The following CENPH variants were observed in gnomAD, a reference collection of about 807,000 sequenced individuals.
CENPH encodes CENP-H.
In CENPH, 40 loss-of-function variants were observed where a neutral mutation model predicts 42.9. The ratio of observed to expected loss-of-function variants is 0.93; its 90% CI spans 0.72 to 1.21. CENPH has a LOEUF of 1.21. CENPH is among the 50% of genes most tolerant of loss of function. The probability of loss-of-function intolerance (pLI) is 0.00; values close to 1 mark genes in which losing one functional copy is unlikely to be tolerated. For missense variants in CENPH, 302 were observed against 292.9 expected, an observed-to-expected ratio of 1.03 and a Z score of -0.23; for synonymous variants, 88 against 96.5, an observed-to-expected ratio of 0.91 and a Z score of 0.52.
intron 2 of CENPH, among the ~76,000 whole-genome samples, chr5:69,194,432 T>C (rs1480709865): frequency 1.3e-5 from 2 of 152,234 alleles, no homozygotes; most frequent in Non-Finnish European, 1.5e-5. Context: ...ATGTGAAATA[T>C]GTCATTAGTA....
At chr5:69,202,351 C>T (rs186356168) in intron 5 of CENPH, among the ~76,000 whole-genome samples, 155 bp from the exon 6 acceptor site, 1 of 152,234 alleles carries the variant, frequency 6.6e-6, no homozygotes, top group African/African-American at 2.4e-5. Context: ...TCAAACTTTT[C>T]CAGATTTATT....
At chr5:69,198,201 T>G (rs902066885) in intron 5 of CENPH, among the ~76,000 whole-genome samples, 20 of 152,034 alleles carry the variant, frequency 1.3e-4, no homozygotes, top group Admixed American at 1.1e-3. Context: ...ATTACAGGTG[T>G]GAGCCACCGC....
intron 4 of CENPH, 42 bp downstream of exon 4, chr5:69,195,833 C>A (rs1747954080): frequency 4.2e-6 from 4 of 948,986 alleles, no homozygotes; most frequent in East Asian, 4.9e-5. Context: ...GAACTGACTG[C>A]AAAATGGGTA....
intron 4 of CENPH, among the ~76,000 whole-genome samples, 190 bp from the exon 5 acceptor site, chr5:69,196,863 A>G (rs574200351): frequency 2.0e-5 from 3 of 152,114 alleles, no homozygotes; most frequent in South Asian, 2.1e-4. Context: ...CAACAGCCCT[A>G]TCCATCTTGG....
intron 3 of CENPH, among the ~76,000 whole-genome samples, 167 bp from the exon 4 acceptor site, chr5:69,195,550 G>A (rs1361299939): frequency 6.6e-6 from 1 of 152,088 alleles, no homozygotes; most frequent in Middle Eastern, 3.2e-3. Context: ...TAGCTGAGGG[G>A]CATTAGTTTA....
In CENPH at chr5:69,197,088, A is replaced by T. The variant is rs748270737; in HGVS notation, c.350A>T (p.Glu117Val). 1.3e-6 allele frequency: 2 copies of T among 1,582,214 alleles called. No individual in the cohort carries two copies. The highest frequency in any genetic ancestry group is 1.4e-5 in the African/African-American group (1 of 73,052). ...RLSTALKKNL[E>V]KISRQSSVLM... ...TCAACTGCACTTAAAAAAAACCTGG[A>T]GAAAATTAGCAGACAGTCTAGGTAT... Residue 117 changes from glutamate (E) to valine (V), a missense_variant, in exon 5 of 9, where the codon GAG becomes GTG. Coordinates refer to ENST00000283006, the MANE Select transcript of CENPH (RefSeq NM_022909.4).
intron 3 of CENPH, among the ~76,000 whole-genome samples, 193 bp downstream of exon 3, chr5:69,194,888 A>G (rs1486290539): frequency 2.0e-5 from 3 of 150,916 alleles, no homozygotes; most frequent in African/African-American, 2.4e-5. Flanking sequence ...CTGGAACTAC[A>G]GGCTCATTGT....
In CENPH at chr5:69,189,653, A is replaced by C; in HGVS notation, c.19A>C (p.Met7Leu). MEEQPQ[M>L]QDADEPADSG... Reference sequence around the variant, plus strand: ...ACCAGCAATGGAGGAGCAGCCCCAGATGCAAGACGCCGACGAGCCCGCGGA... The same window carrying C: ...ACCAGCAATGGAGGAGCAGCCCCAGCTGCAAGACGCCGACGAGCCCGCGGA... Residue 7 changes from methionine (M) to leucine (L), a missense_variant, in exon 1 of 9, where the codon ATG (methionine) becomes CTG (leucine). By Grantham distance (15) the Met-to-Leu change is conservative. Transcript: ENST00000283006. The C allele has an allele frequency of 1.2e-6, 2 of 1,602,076 alleles. No homozygotes were observed. Among genetic ancestry groups the C allele is most frequent in the South Asian group, 2.2e-5 (2 of 89,594 alleles).
At chr5:69,199,514 T>A (rs1561322983) in intron 5 of CENPH, among the ~76,000 whole-genome samples, 1 of 152,190 alleles carries the variant, frequency 6.6e-6, no homozygotes, top group East Asian at 1.9e-4. Flanking sequence ...TATGTACCCA[T>A]GTATGGGAAG....
chr5:69,196,370 C>G (rs551761332), intron 4 of CENPH, among the ~76,000 whole-genome samples: 4 of 152,246 alleles, frequency 2.6e-5, no homozygotes, highest in Admixed American at 2.6e-4. Context: ...CCTGGCTGGG[C>G]GCGGTGGCTC....
chr5:69,189,655 G>A lies in CENPH; in HGVS notation c.21G>A (p.Met7Ile), dbSNP rs1051673521. The A allele has an allele frequency of 6.2e-7, 1 of 1,601,394 alleles. No individual in the cohort carries two copies. Among genetic ancestry groups the A allele is most frequent in the Non-Finnish European group, 8.5e-7 (1 of 1,176,028 alleles). ...CAGCAATGGAGGAGCAGCCCCAGAT[G>A]CAAGACGCCGACGAGCCCGCGGACT... MEEQPQ[M>I]QDADEPADSG... Residue 7 changes from methionine to isoleucine, a missense_variant, in exon 1 of 9, where the codon ATG (methionine) becomes ATA (isoleucine). Met to Ile is a conservative substitution (Grantham distance 10). Coordinates refer to ENST00000283006, the MANE Select transcript of CENPH (RefSeq NM_022909.4).
intron 7 of CENPH, among the ~76,000 whole-genome samples, chr5:69,204,593 A>ATTTTT (rs1580229277): frequency 6.1e-5 from 4 of 65,992 alleles, no homozygotes; most frequent in African/African-American, 1.8e-4. Flanking sequence ...CCTGGCTTGT[A>ATTTTT]TTTCTTTTTT....
In CENPH at chr5:69,194,178, TG is replaced by T. The variant is rs1237052074; in HGVS notation, c.191-468del. Among the ~76,000 whole-genome samples the T allele has an allele frequency of 5.3e-5, 8 of 151,916 alleles. No individual in the cohort carries two copies. In the East Asian group the frequency reaches 1.5e-3, roughly 29 times the overall value. On this transcript the variant is annotated intron_variant, in intron 2 of 8. Transcript: ENST00000283006. ...CTTTGTTGGTTGATGTTTTTTTTTT[TG>T]AGATGATCTCACTCAGCCACCCAGG...
At chr5:69,205,221 CTTT>C (rs1224842114) in intron 7 of CENPH, among the ~76,000 whole-genome samples, 1 of 149,346 alleles carries the variant, frequency 6.7e-6, no homozygotes, top group African/African-American at 2.5e-5. Context: ...CCTGGCCAAC[CTTT>C]TTTTGTTTGT....
chr5:69,191,213 T>C (rs955388035), intron 1 of CENPH, among the ~76,000 whole-genome samples: 3 of 152,166 alleles, frequency 2.0e-5, no homozygotes, highest in Admixed American at 6.5e-5. Flanking sequence ...GTCTGGCCTA[T>C]TAAAAATAAT....
intron 1 of CENPH, among the ~76,000 whole-genome samples, chr5:69,189,986 T>G (rs537427595): frequency 7.2e-5 from 11 of 152,318 alleles, no homozygotes; most frequent in African/African-American, 2.6e-4. Flanking sequence ...TGAGATAGTC[T>G]AGGAAAGTGT....
chr5:69,209,549 A>G (rs1748213699), intron 8 of CENPH, among the ~76,000 whole-genome samples, 158 bp from the exon 9 acceptor site: 1 of 152,198 alleles, frequency 6.6e-6, no homozygotes, highest in African/African-American at 2.4e-5. Context: ...TCAAAAAAAA[A>G]AAATAGAAGA....
chr5:69,202,937 GA>G lies in CENPH; in HGVS notation c.459del (p.Lys153AsnfsTer12). ...KSQQESWDLE[E>X]KLLDIRKKRL... ...ATAACAGGAATCTTGGGATTTAGAGGAAAAACTGCTTGATATTAGAAAGAAG... is the reference window on the plus strand; with the variant it reads ...ATAACAGGAATCTTGGGATTTAGAGGAAAACTGCTTGATATTAGAAAGAAG... On this transcript the variant is annotated frameshift_variant, in exon 7 of 9. Coordinates refer to ENST00000283006, the MANE Select transcript of CENPH (RefSeq NM_022909.4). LOFTEE classifies it high-confidence loss of function. 6.3e-7 allele frequency: 1 copy of G among 1,590,876 alleles called. No homozygotes were observed. Among genetic ancestry groups the G allele is most frequent in the Non-Finnish European group, 8.6e-7 (1 of 1,165,324 alleles).
intron 1 of CENPH, among the ~76,000 whole-genome samples, chr5:69,190,204 T>C (rs188521383): frequency 5.7e-4 from 87 of 152,354 alleles, no homozygotes; most frequent in African/African-American, 2.1e-3. Flanking sequence ...GTTTATACTT[T>C]TCCACTAAGC....
Sources: gnomAD v4.1 joint callset for allele counts (sites outside exome capture counted in the v4.1 genomes callset) on GRCh38, gnomAD v4.1.1 for gene constraint, MANE v1.5 for transcripts, NCBI Gene and HGNC (gene_info 2026-07-23, HGNC 2026-07-21) for gene names.